The following CDH4 variants were observed in gnomAD, a reference collection of about 807,000 sequenced individuals.
CDH4 encodes cadherin-4.
A neutral mutation model predicts 86.0 loss-of-function variants in CDH4; 33 were observed. That is an observed-to-expected ratio of 0.38 (90% confidence interval 0.29 to 0.51). CDH4 has a LOEUF of 0.51. Ranked by LOEUF, CDH4 falls within the 20% of genes least tolerant of loss-of-function variation. CDH4 has a pLI of 0.86. For synonymous variants in CDH4, 555 were observed against 549.4 expected (o/e 1.01, Z -0.14); for missense variants, 1,114 against 1,307.4 (o/e 0.85, Z 2.28).
At chr20:61,825,910 G>T (rs551073957) in intron 4 of CDH4, among the ~76,000 whole-genome samples, 2 of 152,120 alleles carry the variant, frequency 1.3e-5, no homozygotes, top group Admixed American at 6.5e-5. Context: ...GCCTCTCTTC[G>T]CCCACATCTC....
At chr20:61,752,103 G>A (rs961176068) in intron 3 of CDH4, among the ~76,000 whole-genome samples, 1 of 152,156 alleles carries the variant, frequency 6.6e-6, no homozygotes, top group Non-Finnish European at 1.5e-5. Context: ...AGGCCAAGGT[G>A]GGCAGATCAC....
At chr20:61,390,830 G>T (rs552521822) in intron 2 of CDH4, among the ~76,000 whole-genome samples, 1 of 151,226 alleles carries the variant, frequency 6.6e-6, no homozygotes, top group East Asian at 2.0e-4. Flanking sequence ...GGGAGACCCC[G>T]ATTGAGATCA....
At chr20:61,733,444 C>T (rs556870703) in intron 2 of CDH4, among the ~76,000 whole-genome samples, 7 of 152,264 alleles carry the variant, frequency 4.6e-5, no homozygotes, top group South Asian at 2.1e-4. Context: ...TCTGCTCCCC[C>T]GGTCACAGAG....
At chr20:61,384,382 G>C (rs549832975) in intron 2 of CDH4, among the ~76,000 whole-genome samples, 2 of 152,280 alleles carry the variant, frequency 1.3e-5, no homozygotes, top group East Asian at 3.9e-4. Flanking sequence ...TAGCACCAAT[G>C]GGGGTGCTAA....
chr20:61,319,799 A>G (rs2123239271), intron 2 of CDH4, among the ~76,000 whole-genome samples: 1 of 148,920 alleles, frequency 6.7e-6, no homozygotes, highest in East Asian at 2.0e-4. Flanking sequence ...AAAAAAAAAA[A>G]CAAAATTAAC....
At chr20:61,382,468 G>A (rs374051697) in intron 2 of CDH4, among the ~76,000 whole-genome samples, 2 of 152,214 alleles carry the variant, frequency 1.3e-5, no homozygotes, top group East Asian at 1.9e-4. Flanking sequence ...GGTGTTCCTG[G>A]TGTCTCTGCC....
chr20:61,574,130 C>G (rs1381540489), intron 2 of CDH4, among the ~76,000 whole-genome samples: 1 of 152,240 alleles, frequency 6.6e-6, no homozygotes, highest in Non-Finnish European at 1.5e-5. Flanking sequence ...CTGGGCCCCT[C>G]GCCTGGAGCT....
intron 8 of CDH4, among the ~76,000 whole-genome samples, chr20:61,899,087 G>A (rs1391948968): frequency 6.6e-6 from 1 of 152,048 alleles, no homozygotes; most frequent in Admixed American, 6.5e-5. Context: ...ACGAGGTCCG[G>A]AGTTCAAGAC....
In CDH4 at chr20:61,544,817, A is replaced by G. The variant is rs2086065852; in HGVS notation, c.170-198746A>G. Among the ~76,000 whole-genome samples, 1 of 152,062 alleles carries G rather than the reference A, an allele frequency of 6.6e-6. No individual in the cohort carries two copies. Among genetic ancestry groups the G allele is most frequent in the South Asian group, 2.1e-4 (1 of 4,816 alleles). ...AGCCCTCCCTGCCCCCGAGGAAGGA[A>G]CCTTGTTCCTCGGTTATAAAACTTG... On this transcript the variant is annotated intron_variant, in intron 2 of 15. Coordinates refer to ENST00000614565, the MANE Select transcript of CDH4 (RefSeq NM_001794.5). The surrounding 1 kb of genome is among the most constrained non-coding windows in gnomAD (Gnocchi z 6.5).
intron 2 of CDH4, chr20:61,739,076 A>G (rs2088301904): frequency 6.6e-6 from 1 of 152,276 alleles, no homozygotes; most frequent in Admixed American, 6.5e-5. Flanking sequence ...TTGGATGTTA[A>G]TTCTCTCCTG....
At chr20:61,667,108 G>A (rs1488815513) in intron 2 of CDH4, among the ~76,000 whole-genome samples, 2 of 152,244 alleles carry the variant, frequency 1.3e-5, no homozygotes, top group African/African-American at 4.8e-5. Context: ...TGCTTGATCA[G>A]AGAAAATTGG....
At chr20:61,867,561 A>AG (rs1555850607) in intron 6 of CDH4, among the ~76,000 whole-genome samples, 220 of 142,072 alleles carry the variant, frequency 1.5e-3, no homozygotes, top group Middle Eastern at 0.011. Flanking sequence ...AAAAAAAAAA[A>AG]AGAGAGAGAG....
At chr20:61,532,535 A>G (rs2085963274) in intron 2 of CDH4, among the ~76,000 whole-genome samples, 1 of 152,206 alleles carries the variant, frequency 6.6e-6, no homozygotes, top group South Asian at 2.1e-4. Flanking sequence ...AGTGCACACA[A>G]CAGAAAACGA....
chr20:61,551,078 G>A (rs1201021740), intron 2 of CDH4, among the ~76,000 whole-genome samples: 1 of 152,206 alleles, frequency 6.6e-6, no homozygotes, highest in East Asian at 1.9e-4. Flanking sequence ...CAAAATGCAG[G>A]TAACGGGCAT....
chr20:61,543,236 T>C (rs1307913787), intron 2 of CDH4, among the ~76,000 whole-genome samples: 4 of 152,214 alleles, frequency 2.6e-5, no homozygotes, highest in Admixed American at 6.5e-5. Context: ...CCAGGAGCAG[T>C]ACTTTGCATC....
At chr20:61,824,900 T>C (rs950796730) in intron 4 of CDH4, among the ~76,000 whole-genome samples, 16 of 152,222 alleles carry the variant, frequency 1.1e-4, no homozygotes, top group Non-Finnish European at 2.2e-4. Context: ...AGCTGAAGCA[T>C]GAGGTTTCTT....
intron 11 of CDH4, among the ~76,000 whole-genome samples, chr20:61,926,341 G>A (rs2055044403): frequency 6.6e-6 from 1 of 152,216 alleles, no homozygotes; most frequent in Non-Finnish European, 1.5e-5. Context: ...GAAGCCTCAT[G>A]AACAAGGGTA....
intron 2 of CDH4, among the ~76,000 whole-genome samples, chr20:61,592,233 A>G (rs926319334): frequency 6.6e-6 from 1 of 152,190 alleles, no homozygotes; most frequent in East Asian, 1.9e-4. Context: ...AGAGTCAAGA[A>G]GTCAAGACTT....
chr20:61,532,603 CTG>C (rs2085963865), intron 2 of CDH4, among the ~76,000 whole-genome samples: 1 of 152,204 alleles, frequency 6.6e-6, no homozygotes, highest in Non-Finnish European at 1.5e-5. Context: ...AGCAGCGAGT[CTG>C]TGAAAATGCT....
Sources: gnomAD v4.1 joint callset for allele counts (sites outside exome capture counted in the v4.1 genomes callset) on GRCh38, gnomAD v4.1.1 for gene constraint, Gnocchi (gnomAD v3.1) non-coding constraint, MANE v1.5 for transcripts, NCBI Gene and HGNC (gene_info 2026-07-23, HGNC 2026-07-21) for gene names.